Variants in SLC22A4 observed in about 807,000 individuals in gnomAD.
The protein encoded by SLC22A4 is ET transporter.
Under a neutral mutation model 56.6 loss-of-function variants are expected in SLC22A4, and 39 were observed. The observed-to-expected ratio is 0.69, with a 90% CI of 0.53 to 0.90. The LOEUF is 0.90. SLC22A4 is among the 40% of genes least tolerant of loss of function. The pLI, the probability that SLC22A4 is intolerant of heterozygous loss-of-function variation, is 0.00. For missense variants in SLC22A4, 594 were observed against 696.5 expected (o/e 0.85, Z 1.66); for synonymous variants, 241 against 281.4 (o/e 0.86, Z 1.44).
At chr5:132,324,490 G>A (rs1160367953) in intron 4 of SLC22A4, 3 of 470,720 alleles carry the variant, frequency 6.4e-6, no homozygotes, top group African/African-American at 4.0e-5. Context: ...CCTGGCTGTG[G>A]GCATACTGTA....
At position 132,309,847 on chromosome 5, in the gene SLC22A4, C is replaced by T. The variant is rs116715276; in HGVS notation, c.394-2314C>T. Reference sequence around the variant, plus strand: ...ACATCTAACAGCCTTCCATTCCTTTCTATCTCTAAATCCTATCTATCCTGC... The same window carrying T: ...ACATCTAACAGCCTTCCATTCCTTTTTATCTCTAAATCCTATCTATCCTGC... On this transcript the variant is annotated intron_variant, in intron 1 of 9. Transcript: ENST00000200652. 4.4e-3 allele frequency among the ~76,000 whole-genome samples: 676 copies of T among 152,394 alleles called. 2 individuals carry two copies. Among genetic ancestry groups the T allele is most frequent in the Non-Finnish European group, 7.6e-3 (515 of 68,040 alleles).
intron 3 of SLC22A4, among the ~76,000 whole-genome samples, chr5:132,318,656 G>A (rs1750434754): frequency 6.6e-6 from 1 of 152,138 alleles, no homozygotes; most frequent in Non-Finnish European, 1.5e-5. Flanking sequence ...CCCTCTTGGA[G>A]AGAGTGCTCA....
chr5:132,306,378 C>G (rs1750029094), intron 1 of SLC22A4, among the ~76,000 whole-genome samples: 1 of 101,980 alleles, frequency 9.8e-6, no homozygotes, highest in African/African-American at 3.6e-5. Flanking sequence ...TAGACCCAAA[C>G]CGTGAAATAT....
chr5:132,325,038 G>A (rs1395386973), intron 4 of SLC22A4, among the ~76,000 whole-genome samples: 1 of 152,176 alleles, frequency 6.6e-6, no homozygotes, highest in Non-Finnish European at 1.5e-5. Context: ...TGTGAATGGA[G>A]TATGTGTATA....
intron 2 of SLC22A4, among the ~76,000 whole-genome samples, chr5:132,312,986 G>A (rs1471541322): frequency 6.6e-6 from 1 of 152,216 alleles, no homozygotes; most frequent in African/African-American, 2.4e-5. Context: ...CTACCAGAAT[G>A]TGAAGATAAT....
At chr5:132,316,846 T>C (rs1750374096) in intron 3 of SLC22A4, among the ~76,000 whole-genome samples, 1 of 152,242 alleles carries the variant, frequency 6.6e-6, no homozygotes, top group Non-Finnish European at 1.5e-5. Context: ...AGTTGAAATA[T>C]AATTTTGTCT....
intron 1 of SLC22A4, 157 bp downstream of exon 1, chr5:132,295,166 A>C: frequency 1.1e-6 from 1 of 871,860 alleles, no homozygotes; most frequent in Non-Finnish European, 1.9e-6. Context: ...CCCAAGAAAG[A>C]ATAGGACTCA....
At chr5:132,321,686 T>C (rs1037447489) in intron 3 of SLC22A4, among the ~76,000 whole-genome samples, 5 of 152,122 alleles carry the variant, frequency 3.3e-5, no homozygotes, top group Non-Finnish European at 7.4e-5. Context: ...GGCAGGTAGA[T>C]CACTTGAGGT....
chr5:132,324,534 C>G (rs1274183216), intron 4 of SLC22A4: 1 of 471,090 alleles, frequency 2.1e-6, no homozygotes, highest in Non-Finnish European at 4.4e-6. Context: ...CAGAGGCCAG[C>G]CTGGGACCAG....
At chr5:132,334,485 C>T (rs272880) in intron 6 of SLC22A4, among the ~76,000 whole-genome samples, 109,099 of 152,124 alleles carry the variant, frequency 0.72, 39,901 homozygotes, top group African/African-American at 0.85. Flanking sequence ...ATATCTATGT[C>T]GTTCAATATA....
At chr5:132,334,434 G>C (rs1237803516) in intron 6 of SLC22A4, among the ~76,000 whole-genome samples, 2 of 152,162 alleles carry the variant, frequency 1.3e-5, no homozygotes, top group Non-Finnish European at 1.5e-5. Context: ...ATCTAGACTA[G>C]CACTGTCCAA....
At chr5:132,332,730 G>GCACACACACACACA (rs3840351) in intron 6 of SLC22A4, among the ~76,000 whole-genome samples, 162 of 145,744 alleles carry the variant, frequency 1.1e-3, no homozygotes, top group Middle Eastern at 3.5e-3. Flanking sequence ...TATGATGGCA[G>GCACACACACACACA]CACACACACA....
At chr5:132,312,730 G>T (rs896201580) in intron 2 of SLC22A4, among the ~76,000 whole-genome samples, 4 of 152,222 alleles carry the variant, frequency 2.6e-5, no homozygotes, top group Non-Finnish European at 5.9e-5. Context: ...TGGGGCCACA[G>T]AGCTGATGCT....
chr5:132,309,358 G>T (rs974216773), intron 1 of SLC22A4, among the ~76,000 whole-genome samples: 1 of 152,244 alleles, frequency 6.6e-6, no homozygotes, highest in Non-Finnish European at 1.5e-5. Flanking sequence ...CCTGCTGGTT[G>T]TAAGCAGGGT....
chr5:132,338,036 T>C (rs1033456378), intron 8 of SLC22A4, among the ~76,000 whole-genome samples: 1 of 152,120 alleles, frequency 6.6e-6, no homozygotes, highest in Non-Finnish European at 1.5e-5. Flanking sequence ...TGAGCCACTG[T>C]GCCTGGCCTT....
chr5:132,318,781 C>A (rs867155995), intron 3 of SLC22A4, among the ~76,000 whole-genome samples: 3 of 152,112 alleles, frequency 2.0e-5, no homozygotes, highest in African/African-American at 7.2e-5. Context: ...CCAGGAGAAA[C>A]TCAGAAGCCC....
In SLC22A4 at chr5:132,340,659, G is replaced by T. The variant is rs2126745243; in HGVS notation, c.1539G>T (p.Met513Ile). The change falls in exon 9 of 10, where the codon ATG becomes ATT. Residue 513 changes from methionine (M) to isoleucine (I), a missense_variant. Met to Ile is a conservative substitution (Grantham distance 10). Transcript: ENST00000200652. ...LTLFFPESLG[M>I]TLPETLEQMQ... ...TTTTTTTCCCTGAAAGTTTGGGAAT[G>T]ACTCTTCCAGAAACCTTAGAGCAGA... 6.2e-7 allele frequency: 1 copy of T among 1,614,062 alleles called. No individual in the cohort carries two copies. Among genetic ancestry groups the T allele is most frequent in the South Asian group, 1.1e-5 (1 of 91,080 alleles).
chr5:132,322,402 C>T (rs760349583), intron 4 of SLC22A4, 47 bp downstream of exon 4: 1 of 1,559,586 alleles, frequency 6.4e-7, no homozygotes, highest in Non-Finnish European at 8.8e-7. Flanking sequence ...CGGGTCAGCA[C>T]ACCTGGAACA....
chr5:132,309,463 T>G (rs142775081), intron 1 of SLC22A4, among the ~76,000 whole-genome samples: 2 of 152,338 alleles, frequency 1.3e-5, no homozygotes, highest in African/African-American at 4.8e-5. Context: ...ACAGGGCTTC[T>G]TGGGCCCCTC....
Sources: allele counts gnomAD v4.1 joint callset (sites outside exome capture counted in the v4.1 genomes callset), GRCh38; gene constraint gnomAD v4.1.1; transcripts MANE v1.5; gene names NCBI Gene and HGNC (gene_info 2026-07-23, HGNC 2026-07-21).